The following DGKG variants were observed in gnomAD, a reference collection of about 807,000 sequenced individuals.
The protein encoded by DGKG is DAG kinase gamma.
In DGKG, 78 loss-of-function variants were observed where a neutral mutation model predicts 105.3. The observed-to-expected ratio is 0.74, with a 90% CI of 0.62 to 0.89. The LOEUF is 0.89. DGKG is among the 40% of genes least tolerant of loss of function. The pLI, the probability that DGKG is intolerant of heterozygous loss-of-function variation, is 0.00. For missense variants in DGKG, 958 were observed against 1,020.1 expected, an observed-to-expected ratio of 0.94 and a Z score of 0.83; for synonymous variants, 346 against 367.1, an observed-to-expected ratio of 0.94 and a Z score of 0.66.
At chr3:186,195,834 G>T (rs1409526889) in intron 21 of DGKG, among the ~76,000 whole-genome samples, 2 of 152,134 alleles carry the variant, frequency 1.3e-5, no homozygotes, top group African/African-American at 4.8e-5. Flanking sequence ...CTAGATTTAG[G>T]GTTGGCTTTT....
chr3:186,252,975 T>G, intron 18 of DGKG, 118 bp downstream of exon 18: 7 of 816,702 alleles, frequency 8.6e-6, no homozygotes, highest in Non-Finnish European at 1.4e-5. Flanking sequence ...ACTGCAGAGT[T>G]GAGTATTATG....
intron 22 of DGKG, among the ~76,000 whole-genome samples, chr3:186,180,506 G>C (rs566821228): frequency 2.6e-5 from 4 of 152,266 alleles, no homozygotes; most frequent in African/African-American, 7.2e-5. Context: ...GCCCACAGGA[G>C]AGACCTGGGC....
At chr3:186,250,419 A>T (rs1308637844) in intron 19 of DGKG, among the ~76,000 whole-genome samples, 1 of 152,028 alleles carries the variant, frequency 6.6e-6, no homozygotes, top group East Asian at 1.9e-4. Flanking sequence ...GCAGCAACTC[A>T]CCATGGCACA....
intron 2 of DGKG, among the ~76,000 whole-genome samples, chr3:186,314,239 G>C (rs1200508846): frequency 6.7e-6 from 1 of 149,448 alleles, no homozygotes; most frequent in Non-Finnish European, 1.5e-5. Flanking sequence ...ATGTATGTTT[G>C]AAGGTTGAGC....
chr3:186,355,647 C>A (rs557428005), intron 1 of DGKG, among the ~76,000 whole-genome samples: 1 of 152,024 alleles, frequency 6.6e-6, no homozygotes, highest in Non-Finnish European at 1.5e-5. Flanking sequence ...ATCACCAGCA[C>A]CACCACCAGC....
chr3:186,234,854 G>C (rs1229738591), intron 20 of DGKG, among the ~76,000 whole-genome samples: 1 of 152,174 alleles, frequency 6.6e-6, no homozygotes, highest in Non-Finnish European at 1.5e-5. Context: ...ACGAATGTTA[G>C]GGCAGGGAGA....
At chr3:186,279,790 A>G in intron 9 of DGKG, 61 bp downstream of exon 9, 1 of 1,587,826 alleles carries the variant, frequency 6.3e-7, no homozygotes, top group South Asian at 1.2e-5. Context: ...TGTTGATATT[A>G]ACATGAAGCC....
intron 1 of DGKG, among the ~76,000 whole-genome samples, chr3:186,354,923 C>A (rs763717671): frequency 3.9e-5 from 6 of 152,092 alleles, no homozygotes; most frequent in Non-Finnish European, 8.8e-5. Flanking sequence ...GGCTTAGAAC[C>A]AGATGTTCTC....
chr3:186,234,923 T>C (rs928668191), intron 20 of DGKG, among the ~76,000 whole-genome samples: 10 of 152,246 alleles, frequency 6.6e-5, no homozygotes, highest in African/African-American at 2.4e-4. Context: ...CCACTGTAGA[T>C]GATCCACGTG....
intron 17 of DGKG, among the ~76,000 whole-genome samples, chr3:186,255,699 T>C (rs1216505951): frequency 6.6e-6 from 1 of 152,176 alleles, no homozygotes; most frequent in East Asian, 1.9e-4. Flanking sequence ...GTTTTGTCTT[T>C]ATCCCAAGAA....
At chr3:186,161,356 C>T (rs1047719376) in intron 24 of DGKG, 14 of 1,352,230 alleles carry the variant, frequency 1.0e-5, no homozygotes, top group African/African-American at 5.9e-5. Flanking sequence ...GTGAACTCCT[C>T]GAAGTTGGTT....
chr3:186,192,062 C>T (rs188480528), intron 21 of DGKG, among the ~76,000 whole-genome samples: 63 of 152,196 alleles, frequency 4.1e-4, no homozygotes, highest in Admixed American at 2.7e-3. Context: ...GGCTGGAGTG[C>T]GGTAGTGTGA....
chr3:186,273,998 C>T (rs1274860827), intron 10 of DGKG, among the ~76,000 whole-genome samples: 1 of 152,158 alleles, frequency 6.6e-6, no homozygotes, highest in African/African-American at 2.4e-5. Context: ...TTCTTTCCTA[C>T]TCCTTATCAC....
At chr3:186,271,654 G>A (rs1321900339) in intron 11 of DGKG, among the ~76,000 whole-genome samples, 1 of 152,148 alleles carries the variant, frequency 6.6e-6, no homozygotes, top group East Asian at 1.9e-4. Flanking sequence ...TTCTCACTCA[G>A]CTGGCCTCAT....
intron 6 of DGKG, among the ~76,000 whole-genome samples, chr3:186,285,337 A>G (rs985133122): frequency 6.6e-6 from 1 of 152,258 alleles, no homozygotes; most frequent in Non-Finnish European, 1.5e-5. Context: ...GGCATTTAAC[A>G]TATACAAGGT....
Position 186,161,715 on chromosome 3 carries a change from T to TC in DGKG, c.2217-53dup, listed in dbSNP as rs756842630. ...CAGTGAGCTTTTTCAAGTGGGAGAA[T>TC]CAAGGTTATTCCCACCAGGAAAACA... On this transcript the variant is annotated intron_variant, in intron 23 of 24. Coordinates refer to ENST00000265022, the MANE Select transcript of DGKG (RefSeq NM_001346.3). 7.4e-6 allele frequency: 12 copies of TC among 1,613,132 alleles called. No homozygotes were observed. In the South Asian group the frequency reaches 1.3e-4, roughly 18 times the overall value.
intron 19 of DGKG, among the ~76,000 whole-genome samples, chr3:186,250,557 C>CATTTTTTTTTTTTTTTTTTTTTTTTTTT (rs1721162107): frequency 8.6e-6 from 1 of 116,178 alleles, no homozygotes; most frequent in Non-Finnish European, 1.7e-5. Context: ...TTCTGTCATT[C>CATTTTTTTTTTTTTTTTTTTTTTTTTTT]TTTTTTTTTT....
chr3:186,302,691 T>C (rs1724039110), intron 3 of DGKG, among the ~76,000 whole-genome samples: 1 of 151,616 alleles, frequency 6.6e-6, no homozygotes. Context: ...AGTACAGTGC[T>C]GGGCACCAAT....
Position 186,147,976 on chromosome 3 carries a change from G to C in DGKG, c.*2114C>G. On this transcript the variant is annotated 3_prime_UTR_variant, in exon 25 of 25. Transcript: ENST00000265022. ...TGTTAGGTTGAGCAGAATGGTCCAA[G>C]ATCTTGCTCCTAGGTGGTCCTTCAC... 3 of 985,454 alleles carry C rather than the reference G, an allele frequency of 3.0e-6. No homozygotes were observed. Among genetic ancestry groups the C allele is most frequent in the Non-Finnish European group, 3.6e-6 (3 of 829,954 alleles). The allele number at this position is 985,454 out of a possible 1,614,324, so 61.0% of individuals were successfully genotyped here. A position where few individuals can be genotyped will look rare whatever the true frequency, so the allele number is the denominator to read the frequency against.
Sources: gnomAD v4.1 joint callset for allele counts (sites outside exome capture counted in the v4.1 genomes callset) on GRCh38, gnomAD v4.1.1 for gene constraint, MANE v1.5 for transcripts, NCBI Gene and HGNC (gene_info 2026-07-23, HGNC 2026-07-21) for gene names.